GDPD1: variants seen among roughly 807,000 people sequenced by gnomAD.
GDPD1 encodes glycerophosphodiester phosphodiesterase domain containing 1, also known as lysophospholipase D GDPD1.
In GDPD1, 28 loss-of-function variants were observed where a neutral mutation model predicts 45.1. The ratio of observed to expected loss-of-function variants is 0.62; its 90% CI spans 0.46 to 0.85. GDPD1 has a LOEUF of 0.85. GDPD1 is among the 40% of genes least tolerant of loss of function. GDPD1 has a pLI of 0.00. For synonymous variants in GDPD1, 139 were observed against 131.4 expected (o/e 1.06, Z -0.40); for missense variants, 256 against 364.8 (o/e 0.70, Z 2.43).
In GDPD1 at chr17:59,236,990, A is replaced by G. The variant is rs993060886; in HGVS notation, c.185+2456A>G. Reference sequence around the variant, plus strand: ...ATGAATACATACTTTTTAAAATTGTAGTTCAAAAAATTACAAATATTCTAC... The same window carrying G: ...ATGAATACATACTTTTTAAAATTGTGGTTCAAAAAATTACAAATATTCTAC... On this transcript the variant is annotated intron_variant, in intron 2 of 9. Coordinates refer to ENST00000284116, the MANE Select transcript of GDPD1 (RefSeq NM_182569.4). Among the ~76,000 whole-genome samples, 5 of 152,190 alleles carry G rather than the reference A, an allele frequency of 3.3e-5. 1 individual carries two copies. In the East Asian group the frequency reaches 5.8e-4, roughly 18 times the overall value.
intron 6 of GDPD1, 25 bp from the exon 7 acceptor site, chr17:59,267,016 A>G (rs771940711): frequency 6.3e-7 from 1 of 1,575,470 alleles, no homozygotes; most frequent in Non-Finnish European, 8.7e-7. Context: ...TAAAAATAAC[A>G]TGTAATATTG....
intron 7 of GDPD1, among the ~76,000 whole-genome samples, chr17:59,269,473 CT>C (rs2047427595): frequency 7.3e-6 from 1 of 136,232 alleles, no homozygotes; most frequent in Admixed American, 7.3e-5. Context: ...CGCTTCTTGT[CT>C]ACCCCCCCCC....
At chr17:59,234,132 G>T (rs1023623555) in intron 1 of GDPD1, among the ~76,000 whole-genome samples, 5 of 151,908 alleles carry the variant, frequency 3.3e-5, no homozygotes, top group Non-Finnish European at 7.4e-5. Context: ...CAGATCACGC[G>T]GTCAGGAGAT....
Position 59,245,437 on chromosome 17 carries a change from T to A in GDPD1, c.209T>A (p.Met70Lys). ...AGTGCGGTTAAAATCGGAACTGATA[T>A]GCTAGAATTGGACTGCCATATCACA... is the stretch of plus-strand genomic sequence containing the variant. ...FQHAVKIGTD[M>K]LELDCHITKD... The change falls in exon 3 of 10, where the codon ATG (methionine) becomes AAG (lysine). Residue 70 changes from methionine (M) to lysine (K), a missense_variant. Coordinates refer to ENST00000284116, the MANE Select transcript of GDPD1 (RefSeq NM_182569.4). The A allele has an allele frequency of 6.2e-7, 1 of 1,611,484 alleles. No individual in the cohort carries two copies. Among genetic ancestry groups the A allele is most frequent in the South Asian group, 1.1e-5 (1 of 90,596 alleles).
chr17:59,245,603 AT>A (rs544683342), intron 3 of GDPD1, 54 bp downstream of exon 3: 67 of 1,430,966 alleles, frequency 4.7e-5, no homozygotes, highest in East Asian at 3.8e-4. Context: ...GGCCTATAAG[AT>A]TTTTTTTAAA....
At chr17:59,238,950 G>A (rs1223852952) in intron 2 of GDPD1, among the ~76,000 whole-genome samples, 1 of 152,146 alleles carries the variant, frequency 6.6e-6, no homozygotes, top group African/African-American at 2.4e-5. Context: ...TATACACAGA[G>A]CCACTAAACC....
intron 6 of GDPD1, among the ~76,000 whole-genome samples, chr17:59,266,728 G>T (rs1475361993): frequency 6.6e-6 from 1 of 151,956 alleles, no homozygotes; most frequent in Non-Finnish European, 1.5e-5. Context: ...TTGTTCCATT[G>T]GATTCTGACA....
At chr17:59,235,868 G>T (rs531936295) in intron 2 of GDPD1, among the ~76,000 whole-genome samples, 120 of 150,624 alleles carry the variant, frequency 8.0e-4, no homozygotes, top group African/African-American at 2.9e-3. Flanking sequence ...ACCATGAAAT[G>T]GACTATTTTA....
intron 1 of GDPD1, among the ~76,000 whole-genome samples, chr17:59,224,984 A>C (rs528622420): frequency 6.6e-6 from 1 of 152,188 alleles, no homozygotes; most frequent in African/African-American, 2.4e-5. Flanking sequence ...TTGCAAAAAT[A>C]TAAAACAATA....
At chr17:59,271,377 T>G (rs1568352820) in intron 8 of GDPD1, among the ~76,000 whole-genome samples, 1 of 152,144 alleles carries the variant, frequency 6.6e-6, no homozygotes, top group Non-Finnish European at 1.5e-5. Context: ...TACAGCACAT[T>G]TCTCAGAAAA....
intron 3 of GDPD1, 35 bp from the exon 4 acceptor site, chr17:59,248,705 G>T: frequency 6.9e-7 from 1 of 1,453,760 alleles, no homozygotes; most frequent in Non-Finnish European, 9.5e-7. Context: ...TATTTTTTGA[G>T]AGTTAACTTT....
intron 6 of GDPD1, among the ~76,000 whole-genome samples, chr17:59,264,153 C>T (rs1249755869): frequency 6.6e-6 from 1 of 152,010 alleles, no homozygotes; most frequent in Non-Finnish European, 1.5e-5. Flanking sequence ...CACACGTCAC[C>T]ATGCCTGGCT....
intron 6 of GDPD1, among the ~76,000 whole-genome samples, chr17:59,262,621 T>C (rs1285679678): frequency 7.0e-6 from 1 of 143,100 alleles, no homozygotes; most frequent in African/African-American, 2.5e-5. Flanking sequence ...GCTTTGTATC[T>C]TGGTTTTGTT....
Position 59,273,700 on chromosome 17 carries a change from A to G in GDPD1, c.872A>G (p.Asp291Gly). Residue 291 changes from aspartate to glycine, a missense_variant, in exon 10 of 10, where the codon GAT (aspartate) becomes GGT (glycine). Transcript: ENST00000284116. Reference protein sequence around the residue: ...NEEQEYKRAFDLGATGVMTDY... With the variant: ...NEEQEYKRAFGLGATGVMTDY... ...GAACAAGAATACAAAAGAGCTTTTG[A>G]TTTGGGAGCAACTGGGGTGATGACA... is the stretch of plus-strand genomic sequence containing the variant. The G allele has an allele frequency of 6.3e-7, 1 of 1,593,046 alleles. No individual in the cohort carries two copies. Among genetic ancestry groups the G allele is most frequent in the South Asian group, 1.1e-5 (1 of 88,882 alleles).
At chr17:59,261,913 C>CTTTTTTTTTTTTTTTTTTTTTTTTTTT in intron 6 of GDPD1, among the ~76,000 whole-genome samples, 1 of 79,350 alleles carries the variant, frequency 1.3e-5, no homozygotes. Flanking sequence ...AGATTACAGG[C>CTTTTTTTTTTTTTTTTTTTTTTTTTTT]TTTTTTTTTT....
intron 3 of GDPD1, among the ~76,000 whole-genome samples, chr17:59,247,515 C>T (rs959895675): frequency 6.6e-6 from 1 of 152,140 alleles, no homozygotes; most frequent in African/African-American, 2.4e-5. Context: ...CTTTCATAAA[C>T]ATTTCAAATG....
intron 2 of GDPD1, among the ~76,000 whole-genome samples, chr17:59,241,086 A>G (rs373568186): frequency 6.6e-6 from 1 of 152,226 alleles, no homozygotes; most frequent in South Asian, 2.1e-4. Context: ...ACAATAGGCT[A>G]TACTCTATAA....
Position 59,245,554 on chromosome 17 carries a change from G to T in GDPD1, c.321+5G>T. On this transcript the variant is annotated splice_donor_5th_base_variant and intron_variant, in intron 3 of 9. Transcript: ENST00000284116. ...ATCTCTGATCTCAAATACTGTGTAA[G>T]TAAAAATGCATGATAAACTAATATC... 1 of 1,596,560 alleles carries T rather than the reference G, an allele frequency of 6.3e-7. No individual in the cohort carries two copies. Among genetic ancestry groups the T allele is most frequent in the Non-Finnish European group, 8.5e-7 (1 of 1,172,758 alleles).
intron 3 of GDPD1, among the ~76,000 whole-genome samples, chr17:59,246,289 C>T (rs924343136): frequency 6.6e-6 from 1 of 151,838 alleles, no homozygotes; most frequent in Admixed American, 6.6e-5. Flanking sequence ...TCTCACTGTG[C>T]ATCATGTATA....
Sources: allele counts gnomAD v4.1 joint callset (sites outside exome capture counted in the v4.1 genomes callset), GRCh38; gene constraint gnomAD v4.1.1; transcripts MANE v1.5; gene names NCBI Gene and HGNC (gene_info 2026-07-23, HGNC 2026-07-21).